Variants in SLC24A2 observed in about 807,000 individuals in gnomAD.
The protein encoded by SLC24A2 is sodium/potassium/calcium exchanger 2.
A neutral mutation model predicts 62.0 loss-of-function variants in SLC24A2; 36 were observed. The ratio of observed to expected loss-of-function variants is 0.58; its 90% CI spans 0.44 to 0.77. SLC24A2 has a LOEUF of 0.77. SLC24A2 is among the 30% of genes least tolerant of loss of function. SLC24A2 has a pLI of 0.00. For synonymous variants in SLC24A2, 358 were observed against 294.0 expected (o/e 1.22, Z -2.23); for missense variants, 846 against 817.9 (o/e 1.03, Z -0.42).
chr9:20,208,148 G>T, the SLC24A2 span, among the ~76,000 whole-genome samples: 2 of 152,278 alleles, frequency 1.3e-5, no homozygotes, highest in Non-Finnish European at 2.9e-5. Flanking sequence ...GATCAGAAAT[G>T]GTACCCCTTA....
intron 2 of SLC24A2, among the ~76,000 whole-genome samples, chr9:19,701,799 T>C (rs1296101946): frequency 6.6e-6 from 1 of 152,168 alleles, no homozygotes; most frequent in Admixed American, 6.6e-5. Context: ...CTGAAATCAA[T>C]CATATCAGGC....
intron 2 of SLC24A2, among the ~76,000 whole-genome samples, chr9:19,780,786 T>A (rs1361347827): frequency 4.9e-5 from 7 of 142,836 alleles, no homozygotes; most frequent in Non-Finnish European, 8.9e-5. Context: ...GGCAGGAGAA[T>A]GGCGTGAACC....
At chr9:20,291,019 C>T in the SLC24A2 span, among the ~76,000 whole-genome samples, 1 of 152,188 alleles carries the variant, frequency 6.6e-6, no homozygotes, top group East Asian at 1.9e-4. Context: ...TGGATTTCAG[C>T]CCCACTCACC....
At chr9:20,061,309 G>C in the SLC24A2 span, among the ~76,000 whole-genome samples, 1 of 150,636 alleles carries the variant, frequency 6.6e-6, no homozygotes, top group Non-Finnish European at 1.5e-5. Flanking sequence ...TTTTGAGACA[G>C]AGTCTCACTC....
the SLC24A2 span, among the ~76,000 whole-genome samples, chr9:20,120,007 G>C: frequency 6.6e-6 from 1 of 152,154 alleles, no homozygotes; most frequent in South Asian, 2.1e-4. Flanking sequence ...CGGCAGGGCT[G>C]TGTTTCAATC....
chr9:20,248,722 A>G, the SLC24A2 span, among the ~76,000 whole-genome samples: 1 of 152,210 alleles, frequency 6.6e-6, no homozygotes, highest in South Asian at 2.1e-4. Flanking sequence ...TGCCTCACAA[A>G]TAGAATTCTA....
the SLC24A2 span, among the ~76,000 whole-genome samples, chr9:20,270,961 C>G: frequency 3.9e-5 from 6 of 152,210 alleles, no homozygotes; most frequent in East Asian, 1.2e-3. Context: ...CCTTTTTTAT[C>G]TCCCTCCTTT....
At chr9:19,740,509 G>T (rs1258372614) in intron 2 of SLC24A2, among the ~76,000 whole-genome samples, 3 of 152,186 alleles carry the variant, frequency 2.0e-5, no homozygotes, top group Non-Finnish European at 4.4e-5. Context: ...CATATGCAAA[G>T]TTCACAATAG....
At chr9:20,064,758 G>C in the SLC24A2 span, among the ~76,000 whole-genome samples, 6 of 152,170 alleles carry the variant, frequency 3.9e-5, no homozygotes, top group Non-Finnish European at 5.9e-5. Context: ...GCTGAAAGCA[G>C]AAATCAGGAA....
At chr9:20,074,624 AG>A in the SLC24A2 span, among the ~76,000 whole-genome samples, 3 of 14,736 alleles carry the variant, frequency 2.0e-4, 1 homozygote, top group East Asian at 5.8e-3. Flanking sequence ...TGAGGGAGGG[AG>A]GGAGGGAGGG....
the SLC24A2 span, among the ~76,000 whole-genome samples, chr9:20,121,731 C>A: frequency 6.6e-6 from 1 of 152,114 alleles, no homozygotes; most frequent in Non-Finnish European, 1.5e-5. Context: ...GATATCCAGA[C>A]CCTACTCAAA....
At chr9:19,735,865 G>T (rs1012082602) in intron 2 of SLC24A2, among the ~76,000 whole-genome samples, 2 of 151,962 alleles carry the variant, frequency 1.3e-5, no homozygotes, top group Admixed American at 1.3e-4. Context: ...TTGTGGGGTG[G>T]GGGGAAGGGG....
At chr9:20,099,401 C>T in the SLC24A2 span, among the ~76,000 whole-genome samples, 8 of 152,174 alleles carry the variant, frequency 5.3e-5, no homozygotes, top group African/African-American at 1.7e-4. Context: ...CTTTTCTGAA[C>T]TGAAATCTGC....
the SLC24A2 span, among the ~76,000 whole-genome samples, chr9:19,802,414 C>T: frequency 2.0e-5 from 3 of 152,116 alleles, no homozygotes; most frequent in African/African-American, 7.2e-5. Flanking sequence ...TACAAATACC[C>T]AGGATGAAGG....
At chr9:20,059,705 A>G in the SLC24A2 span, among the ~76,000 whole-genome samples, 2 of 152,102 alleles carry the variant, frequency 1.3e-5, no homozygotes, top group African/African-American at 2.4e-5. Context: ...AAGAAGAAAG[A>G]TCTCTCGCAA....
chr9:20,049,067 G>A, the SLC24A2 span, among the ~76,000 whole-genome samples: 1 of 152,134 alleles, frequency 6.6e-6, no homozygotes, highest in Non-Finnish European at 1.5e-5. Context: ...AGTGTTGGGT[G>A]ACTTTAGAGG....
At chr9:19,765,887 G>A (rs1380104782) in intron 2 of SLC24A2, among the ~76,000 whole-genome samples, 1 of 152,166 alleles carries the variant, frequency 6.6e-6, no homozygotes, top group Non-Finnish European at 1.5e-5. Flanking sequence ...ATCCTGAAGT[G>A]TGTTTTCCAA....
At chr9:19,870,890 A>G in the SLC24A2 span, among the ~76,000 whole-genome samples, 2 of 152,098 alleles carry the variant, frequency 1.3e-5, no homozygotes, top group Admixed American at 1.3e-4. Flanking sequence ...AGAGTTATTT[A>G]TGTATTCTGG....
the SLC24A2 span, among the ~76,000 whole-genome samples, chr9:20,128,450 C>G: frequency 2.6e-5 from 4 of 152,034 alleles, no homozygotes; most frequent in African/African-American, 9.7e-5. Context: ...CTAATAGCAT[C>G]TAAGTAGACT....
Sources: allele counts gnomAD v4.1 joint callset (sites outside exome capture counted in the v4.1 genomes callset), GRCh38; gene constraint gnomAD v4.1.1; transcripts MANE v1.5; gene names NCBI Gene and HGNC (gene_info 2026-07-23, HGNC 2026-07-21).